The following SEC61B variants were observed in gnomAD, a reference collection of about 807,000 sequenced individuals.
SEC61B encodes the protein SEC61 translocon subunit beta, also known as protein transport protein Sec61 subunit beta.
Under a neutral mutation model 12.6 loss-of-function variants are expected in SEC61B, and 7 were observed. The observed-to-expected ratio is 0.55, with a 90% CI of 0.32 to 1.04. SEC61B has a LOEUF of 1.04. Among genes scored for constraint, SEC61B ranks in the 50% least tolerant of loss-of-function variants. The probability of loss-of-function intolerance (pLI) is 0.05; values close to 1 mark genes in which losing one functional copy is unlikely to be tolerated. For missense variants in SEC61B, 107 were observed against 130.1 expected, an observed-to-expected ratio of 0.82 and a Z score of 0.86; for synonymous variants, 54 against 50.1, an observed-to-expected ratio of 1.08 and a Z score of -0.33.
intron 2 of SEC61B, among the ~76,000 whole-genome samples, chr9:99,225,637 A>T (rs1828885410): frequency 6.6e-6 from 1 of 152,184 alleles, no homozygotes; most frequent in Non-Finnish European, 1.5e-5. Flanking sequence ...AATTTGAGAG[A>T]TTCAATGTGT....
rs1384467937 is a variant in SEC61B, at chr9:99,222,556, C to T, written c.14C>T (p.Thr5Ile). The change falls in exon 2 of 4, where the codon ACC becomes ATC. Residue 5 changes from threonine to isoleucine, a missense_variant. Physicochemically the swap from Thr to Ile is moderately conservative, Grantham distance 89 (BLOSUM62 -1). Coordinates refer to ENST00000223641, the MANE Select transcript of SEC61B (RefSeq NM_006808.3). ...TGTCTCCCTCTACAGCCTGGTCCGACCCCCAGTGGCACTAACGTGGGATCC... is the reference window on the plus strand; with the variant it reads ...TGTCTCCCTCTACAGCCTGGTCCGATCCCCAGTGGCACTAACGTGGGATCC... Reference protein sequence around the residue: MPGPTPSGTNVGSSG... With the variant: MPGPIPSGTNVGSSG... The T allele has an allele frequency of 1.9e-6, 3 of 1,580,214 alleles. No homozygotes were observed. The highest frequency in any genetic ancestry group is 2.6e-6 in the Non-Finnish European group (3 of 1,163,166).
At chr9:99,228,145 G>A in intron 3 of SEC61B, 145 bp downstream of exon 3, 1 of 606,242 alleles carries the variant, frequency 1.6e-6, no homozygotes, top group Non-Finnish European at 2.9e-6. Flanking sequence ...GACTGGGTTT[G>A]GTTTGCCTGT....
chr9:99,225,764 TAAGAA>T (rs1828886596), intron 2 of SEC61B, among the ~76,000 whole-genome samples: 1 of 152,148 alleles, frequency 6.6e-6, no homozygotes, highest in African/African-American at 2.4e-5. Context: ...CCAGCAGAAA[TAAGAA>T]ATCTTAAGAG....
chr9:99,230,086 G>T (rs79907397), intron 3 of SEC61B, among the ~76,000 whole-genome samples: 9,345 of 152,212 alleles, frequency 0.061, 331 homozygotes, highest in Non-Finnish European at 0.078. Context: ...ATTTGTATAT[G>T]TTTTGGTATG....
chr9:99,224,049 G>T (rs925211415), intron 2 of SEC61B, among the ~76,000 whole-genome samples: 1 of 152,182 alleles, frequency 6.6e-6, no homozygotes, highest in Non-Finnish European at 1.5e-5. Context: ...AAGCAACCAA[G>T]TTGTTTTGGG....
intron 2 of SEC61B, among the ~76,000 whole-genome samples, chr9:99,227,505 A>G (rs1564229130): frequency 6.6e-6 from 1 of 152,198 alleles, no homozygotes; most frequent in Non-Finnish European, 1.5e-5. Context: ...TGAAAGATGC[A>G]TGTGAGGAGA....
chr9:99,222,642 AG>A lies in SEC61B; in HGVS notation c.101+1del. ...GGCGGCGGGATCCACTGTCCGGCAG[AG>A]GTAAGGAACCCTGCAGTTCGTTCGC... is the stretch of plus-strand genomic sequence containing the variant. ...ARAAGSTVRQ[R>X]KNASCGTRSA... On this transcript the variant is annotated frameshift_variant and splice_region_variant, in exon 2 of 4. Coordinates refer to ENST00000223641, the MANE Select transcript of SEC61B (RefSeq NM_006808.3). LOFTEE classifies it high-confidence loss of function. The A allele has an allele frequency of 1.3e-6, 2 of 1,540,730 alleles. No homozygotes were observed. The highest frequency in any genetic ancestry group is 2.7e-5 in the African/African-American group (2 of 72,898).
rs191434385 is a variant in SEC61B, at chr9:99,227,902, A to G, written c.105A>G (p.Lys35=). 4 of 1,613,896 alleles carry G rather than the reference A, an allele frequency of 2.5e-6. No individual in the cohort carries two copies. The Admixed American group carries it at 5.0e-5, about 20-fold the overall frequency. Reference sequence around the variant, plus strand: ...GTAACATTTTCCTCTCTTTCAGGAAAAATGCCAGCTGTGGGACAAGGAGTG... The same window carrying G: ...GTAACATTTTCCTCTCTTTCAGGAAGAATGCCAGCTGTGGGACAAGGAGTG... ...RAAGSTVRQR[K]NASCGTRSAG... is the part of the protein sequence containing the mutation. Residue 35 remains lysine, a synonymous_variant, in exon 3 of 4, where the codon AAA becomes AAG. Coordinates refer to ENST00000223641, the MANE Select transcript of SEC61B (RefSeq NM_006808.3).
At position 99,230,601 on chromosome 9, in the gene SEC61B, T is replaced by C. The variant is rs1828949714; in HGVS notation, c.*177T>C. The C allele has an allele frequency of 1.8e-6, 1 of 540,862 alleles. No individual in the cohort carries two copies. The highest frequency in any genetic ancestry group is 3.2e-6 in the Non-Finnish European group (1 of 308,244). 33.5% of individuals were successfully genotyped at this position (540,862 alleles called of 1,614,324 possible). A position where few individuals can be genotyped will look rare whatever the true frequency, so the allele number is the denominator to read the frequency against. On this transcript the variant is annotated 3_prime_UTR_variant, in exon 4 of 4. Coordinates refer to ENST00000223641, the MANE Select transcript of SEC61B (RefSeq NM_006808.3). ...GTTTTTTTCTATGGCTAATAAACTT[T>C]TTAATTCACTTATACTGAGTCTGAT...
At chr9:99,230,031 A>G (rs1564230726) in intron 3 of SEC61B, among the ~76,000 whole-genome samples, 1 of 152,230 alleles carries the variant, frequency 6.6e-6, no homozygotes, top group Non-Finnish European at 1.5e-5. Flanking sequence ...GAAGACAACA[A>G]ATACATGAAA....
chr9:99,225,701 C>T (rs1828885945), intron 2 of SEC61B, among the ~76,000 whole-genome samples: 1 of 152,196 alleles, frequency 6.6e-6, no homozygotes, highest in Non-Finnish European at 1.5e-5. Flanking sequence ...TTTGAGTACA[C>T]TTTAGTATTT....
At position 99,222,304 on chromosome 9, in the gene SEC61B, T is replaced by G; in HGVS notation, c.-60T>G. 9 of 1,613,876 alleles carry G rather than the reference T, an allele frequency of 5.6e-6. No homozygotes were observed. Among genetic ancestry groups the G allele is most frequent in the Non-Finnish European group, 7.6e-6 (9 of 1,179,830 alleles). On this transcript the variant is annotated 5_prime_UTR_variant, in exon 1 of 4. Coordinates refer to ENST00000223641, the MANE Select transcript of SEC61B (RefSeq NM_006808.3). ...GTCAGTCTCGCCAGCTGCCGGTCTT[T>G]CGGGGGCTCCGTAACTTTCTATCCG...
At chr9:99,225,706 G>A (rs1340539471) in intron 2 of SEC61B, among the ~76,000 whole-genome samples, 1 of 152,220 alleles carries the variant, frequency 6.6e-6, no homozygotes, top group Non-Finnish European at 1.5e-5. Flanking sequence ...GTACACTTTA[G>A]TATTTCTAGG....
At chr9:99,226,253 C>T (rs368574850) in intron 2 of SEC61B, among the ~76,000 whole-genome samples, 23 of 152,236 alleles carry the variant, frequency 1.5e-4, no homozygotes, top group African/African-American at 5.5e-4. Context: ...CCTGTTAGAA[C>T]CAGGACTGCA....
chr9:99,222,448 TC>T, intron 1 of SEC61B, 82 bp downstream of exon 1: 2 of 1,608,004 alleles, frequency 1.2e-6, no homozygotes, highest in Non-Finnish European at 1.7e-6. Flanking sequence ...CCTCTGTAGC[TC>T]CCTTGCTTCC....
chr9:99,227,939 A>G lies in SEC61B; in HGVS notation c.142A>G (p.Thr48Ala). ...SCGTRSAGRT[T>A]SAGTGGMWRF... The stretch of plus-strand genomic sequence containing the variant: ...TGGGACAAGGAGTGCAGGCCGCACA[A>G]CCTCGGCAGGCACCGGGGGGATGTG... The change falls in exon 3 of 4, where the codon ACC becomes GCC. Residue 48 changes from threonine (T) to alanine (A), a missense_variant. Thr to Ala is a moderately conservative substitution (Grantham distance 58). Transcript: ENST00000223641. 3 of 1,614,170 alleles carry G rather than the reference A, an allele frequency of 1.9e-6. No homozygotes were observed. Among genetic ancestry groups the G allele is most frequent in the Non-Finnish European group, 2.5e-6 (3 of 1,180,022 alleles).
At position 99,222,343 on chromosome 9, in the gene SEC61B, C is replaced by A. The variant is rs771586374; in HGVS notation, c.-21C>A. 2 of 1,614,086 alleles carry A rather than the reference C, an allele frequency of 1.2e-6. No homozygotes were observed. Among genetic ancestry groups the A allele is most frequent in the Non-Finnish European group, 1.7e-6 (2 of 1,180,040 alleles). ...ACTTTCTATCCGTCCGCGTCAGCGCCTTGCCACCCTCATCTCCAATATGGT... is the reference window on the plus strand; with the variant it reads ...ACTTTCTATCCGTCCGCGTCAGCGCATTGCCACCCTCATCTCCAATATGGT... On this transcript the variant is annotated 5_prime_UTR_variant, in exon 1 of 4. Coordinates refer to ENST00000223641, the MANE Select transcript of SEC61B (RefSeq NM_006808.3).
In SEC61B at chr9:99,228,097, C is replaced by T. The variant is rs1170551205; in HGVS notation, c.203+97C>T. On this transcript the variant is annotated intron_variant, in intron 3 of 3. Coordinates refer to ENST00000223641, the MANE Select transcript of SEC61B (RefSeq NM_006808.3). ...GTCACCAGTAGCGTTTGCCTTGATG[C>T]GATTTACTGTACACAACAGCCTCAT... 1.4e-5 allele frequency: 13 copies of T among 921,976 alleles called. No homozygotes were observed. The highest frequency in any genetic ancestry group is 2.2e-5 in the Admixed American group (1 of 44,916). The allele number at this position is 921,976 out of a possible 1,614,324, so 57.1% of individuals were successfully genotyped here. A position where few individuals can be genotyped will look rare whatever the true frequency, so the allele number is the denominator to read the frequency against.
chr9:99,229,025 T>C (rs926919940), intron 3 of SEC61B, among the ~76,000 whole-genome samples: 1 of 152,022 alleles, frequency 6.6e-6, no homozygotes, highest in African/African-American at 2.4e-5. Flanking sequence ...AAGTCACAAA[T>C]TTGTAACTTT....
Sources: allele counts gnomAD v4.1 joint callset (sites outside exome capture counted in the v4.1 genomes callset), GRCh38; gene constraint gnomAD v4.1.1; transcripts MANE v1.5; gene names NCBI Gene and HGNC (gene_info 2026-07-23, HGNC 2026-07-21).